The following TGS1 variants were observed in gnomAD, a reference collection of about 807,000 sequenced individuals.
TGS1 encodes the protein trimethylguanosine synthase 1, also known as trimethylguanosine synthase.
Under a neutral mutation model 92.2 loss-of-function variants are expected in TGS1, and 69 were observed. That is an observed-to-expected ratio of 0.75 (90% CI 0.62 to 0.91). The LOEUF is 0.91. Among genes scored for constraint, TGS1 ranks in the 40% least tolerant of loss-of-function variants. The pLI, the probability that TGS1 is intolerant of heterozygous loss-of-function variation, is 0.00. For synonymous variants in TGS1, 345 were observed against 338.1 expected, an observed-to-expected ratio of 1.02 and a Z score of -0.22; for missense variants, 1,062 against 1,001.2, an observed-to-expected ratio of 1.06 and a Z score of -0.82.
intron 12 of TGS1, among the ~76,000 whole-genome samples, chr8:55,824,057 A>G (rs940493564): frequency 1.3e-5 from 2 of 152,150 alleles, no homozygotes; most frequent in African/African-American, 4.8e-5. Flanking sequence ...CGGAGGTTGC[A>G]GTGAGCCGAG....
intron 12 of TGS1, among the ~76,000 whole-genome samples, chr8:55,822,792 C>T (rs887726928): frequency 6.6e-6 from 1 of 151,982 alleles, no homozygotes; most frequent in Non-Finnish European, 1.5e-5. Flanking sequence ...TGACTGGTTG[C>T]TTCTTCCCTA....
chr8:55,800,846 G>A (rs1354869234), intron 8 of TGS1, among the ~76,000 whole-genome samples: 1 of 152,168 alleles, frequency 6.6e-6, no homozygotes, highest in African/African-American at 2.4e-5. Context: ...AGGACCATTT[G>A]AGTGTGTAAT....
At chr8:55,819,860 G>A (rs1025536810) in intron 12 of TGS1, among the ~76,000 whole-genome samples, 39 of 152,238 alleles carry the variant, frequency 2.6e-4, no homozygotes, top group African/African-American at 9.4e-4. Context: ...TTATTAGTTG[G>A]ATCTAGCAAA....
intron 5 of TGS1, among the ~76,000 whole-genome samples, chr8:55,790,797 G>A (rs1811857524): frequency 1.3e-5 from 2 of 152,136 alleles, no homozygotes; most frequent in East Asian, 1.9e-4. Flanking sequence ...GGGATTACAG[G>A]TGTGAGCCAC....
Position 55,799,079 on chromosome 8 carries a change from C to G in TGS1, c.1708C>G (p.Pro570Ala). 6.2e-7 allele frequency: 1 copy of G among 1,614,114 alleles called. No individual in the cohort carries two copies. The highest frequency in any genetic ancestry group is 1.1e-5 in the South Asian group (1 of 91,074). The change falls in exon 8 of 13, where the codon CCT becomes GCT. Residue 570 changes from proline to alanine, a missense_variant. Coordinates refer to ENST00000260129, the MANE Select transcript of TGS1 (RefSeq NM_024831.8). The stretch of plus-strand genomic sequence containing the variant: ...CCTACTGGAGACTAATAATCCAGAA[C>G]CTGAAAAGTGTCAGAGCGTATCTTC... Reference protein sequence around the residue: ...DDLLETNNPEPEKCQSVSSAG... With the variant: ...DDLLETNNPEAEKCQSVSSAG...
At chr8:55,812,771 C>T (rs1803373119) in intron 11 of TGS1, among the ~76,000 whole-genome samples, 1 of 151,922 alleles carries the variant, frequency 6.6e-6, no homozygotes, top group Non-Finnish European at 1.5e-5. Flanking sequence ...ACTGCAATGG[C>T]CATGGTTACT....
intron 1 of TGS1, among the ~76,000 whole-genome samples, chr8:55,779,244 G>A (rs1444711031): frequency 1.3e-5 from 2 of 152,150 alleles, no homozygotes; most frequent in African/African-American, 4.8e-5. Context: ...CATCATTCCC[G>A]GTGATGAATG....
In TGS1 at chr8:55,790,420, G is replaced by A. The variant is rs1342538717; in HGVS notation, c.1280+121G>A. ...CCAGTAATCATGTAAGAAGAGGCAG[G>A]ATCTACTGGTAAGATTCTGAGCCTT... On this transcript the variant is annotated intron_variant, in intron 5 of 12. Coordinates refer to ENST00000260129, the MANE Select transcript of TGS1 (RefSeq NM_024831.8). The A allele has an allele frequency of 7.3e-6, 5 of 683,064 alleles. No homozygotes were observed. The East Asian group carries it at 1.3e-4, about 18-fold the overall frequency. 42.3% of individuals were successfully genotyped at this position (683,064 alleles called of 1,614,324 possible).
At chr8:55,791,666 A>T (rs1811888367) in intron 5 of TGS1, among the ~76,000 whole-genome samples, 1 of 151,972 alleles carries the variant, frequency 6.6e-6, no homozygotes, top group African/African-American at 2.4e-5. Flanking sequence ...TGAAACTCTA[A>T]CCTTTTCCTC....
intron 9 of TGS1, among the ~76,000 whole-genome samples, chr8:55,804,517 T>G (rs1381052167): frequency 6.6e-6 from 1 of 152,120 alleles, no homozygotes; most frequent in Non-Finnish European, 1.5e-5. Context: ...GTGAAATAAT[T>G]GGGAAACTCA....
chr8:55,815,585 A>G (rs1803452738), intron 12 of TGS1, among the ~76,000 whole-genome samples: 1 of 152,236 alleles, frequency 6.6e-6, no homozygotes, highest in Non-Finnish European at 1.5e-5. Flanking sequence ...TTTTTCTCAT[A>G]TGAAGGACAG....
In TGS1 at chr8:55,796,072, A is replaced by G; in HGVS notation, c.1462A>G (p.Ile488Val). 6.2e-7 allele frequency: 1 copy of G among 1,613,434 alleles called. No individual in the cohort carries two copies. The highest frequency in any genetic ancestry group is 8.5e-7 in the Non-Finnish European group (1 of 1,179,486). The change falls in exon 7 of 13, where the codon ATA (isoleucine) becomes GTA (valine). Residue 488 changes from isoleucine (I) to valine (V), a missense_variant. Physicochemically the swap from Ile to Val is conservative, Grantham distance 29. Coordinates refer to ENST00000260129, the MANE Select transcript of TGS1 (RefSeq NM_024831.8). ...TAAGTACCTAGACATGCGCAGACAA[A>G]TAAAGATGAAAAACAAACACATCTT... ...KSKYLDMRRQ[I>V]KMKNKHIFFT...
chr8:55,775,346 A>G (rs1811365865), intron 1 of TGS1, among the ~76,000 whole-genome samples: 1 of 152,220 alleles, frequency 6.6e-6, no homozygotes, highest in Non-Finnish European at 1.5e-5. Context: ...TTTGTAGACT[A>G]TAGGAAAACC....
At chr8:55,802,644 C>T (rs778005695) in intron 9 of TGS1, 38 bp downstream of exon 9, 1 of 1,551,048 alleles carries the variant, frequency 6.4e-7, no homozygotes, top group South Asian at 1.2e-5. Flanking sequence ...TATTTTGAAA[C>T]CACTTCAAAC....
intron 3 of TGS1, among the ~76,000 whole-genome samples, 160 bp from the exon 4 acceptor site, chr8:55,786,078 C>T (rs1045876025): frequency 2.0e-5 from 3 of 152,136 alleles, no homozygotes; most frequent in Non-Finnish European, 4.4e-5. Flanking sequence ...TGTTCCTCCT[C>T]TTGGAAACTT....
intron 12 of TGS1, among the ~76,000 whole-genome samples, chr8:55,820,976 A>G (rs62516862): frequency 0.13 from 19,209 of 152,244 alleles, 1,274 homozygotes; most frequent in African/African-American, 0.16. Flanking sequence ...GGCATTCATT[A>G]AATTTGCCTG....
chr8:55,806,785 A>T (rs1211894938), intron 10 of TGS1, among the ~76,000 whole-genome samples: 1 of 152,236 alleles, frequency 6.6e-6, no homozygotes, highest in Non-Finnish European at 1.5e-5. Context: ...CACACCTAAT[A>T]ACTTGAAGCC....
intron 12 of TGS1, among the ~76,000 whole-genome samples, chr8:55,824,146 A>G (rs1229173832): frequency 1.3e-5 from 2 of 152,092 alleles, no homozygotes; most frequent in Non-Finnish European, 2.9e-5. Flanking sequence ...AAATAACATG[A>G]CTTTGGGAGG....
chr8:55,796,745 C>G (rs564311117), intron 7 of TGS1, among the ~76,000 whole-genome samples: 3 of 151,306 alleles, frequency 2.0e-5, no homozygotes, highest in Non-Finnish European at 2.9e-5. Context: ...AATCCCAGCA[C>G]TTAGGGAGGC....
Sources: gnomAD v4.1 joint callset for allele counts (sites outside exome capture counted in the v4.1 genomes callset) on GRCh38, gnomAD v4.1.1 for gene constraint, MANE v1.5 for transcripts, NCBI Gene and HGNC (gene_info 2026-07-23, HGNC 2026-07-21) for gene names.